The following C9 variants were observed in gnomAD, a reference collection of about 807,000 sequenced individuals.
C9 encodes the protein complement component C9.
A neutral mutation model predicts 65.4 loss-of-function variants in C9; 63 were observed. That is an observed-to-expected ratio of 0.96 (90% CI 0.79 to 1.19). C9 has a LOEUF of 1.19. Among genes scored for constraint, C9 ranks in the 50% most tolerant of loss-of-function variants. The pLI, the probability that C9 is intolerant of heterozygous loss-of-function variation, is 0.00. For missense variants in C9, 744 were observed against 670.1 expected (o/e 1.11, Z -1.22); for synonymous variants, 229 against 227.9 (o/e 1.00, Z -0.04).
intron 5 of C9, among the ~76,000 whole-genome samples, chr5:39,328,379 T>A (rs1322668129): frequency 6.6e-6 from 1 of 152,174 alleles, no homozygotes; most frequent in African/African-American, 2.4e-5. Flanking sequence ...AGAACGAGAA[T>A]GAGGAAAGCC....
chr5:39,320,335 A>C (rs1753644712), intron 5 of C9, among the ~76,000 whole-genome samples: 1 of 152,210 alleles, frequency 6.6e-6, no homozygotes, highest in Non-Finnish European at 1.5e-5. Context: ...AAAAACACAA[A>C]CAACCAAATT....
chr5:39,310,298 C>G (rs11749087), intron 7 of C9, among the ~76,000 whole-genome samples: 1 of 152,110 alleles, frequency 6.6e-6, no homozygotes, highest in Non-Finnish European at 1.5e-5. Flanking sequence ...GCTTTCCTCC[C>G]TAAGAGACAC....
At chr5:39,341,799 T>G in intron 2 of C9, 99 bp from the exon 3 acceptor site, 3 of 1,113,816 alleles carry the variant, frequency 2.7e-6, no homozygotes, top group Non-Finnish European at 4.0e-6. Flanking sequence ...AATGAGTCAA[T>G]GGTTTTAAGA....
chr5:39,291,763 G>A (rs1435123578), intron 9 of C9, among the ~76,000 whole-genome samples: 7 of 151,824 alleles, frequency 4.6e-5, no homozygotes, highest in African/African-American at 1.7e-4. Context: ...AAATGGAAAT[G>A]TAAAAAATAA....
chr5:39,318,426 G>C (rs530146453), intron 5 of C9, among the ~76,000 whole-genome samples: 1 of 152,256 alleles, frequency 6.6e-6, no homozygotes, highest in South Asian at 2.1e-4. Context: ...GAGCATCCTT[G>C]TCTTGTGCTG....
intron 5 of C9, among the ~76,000 whole-genome samples, chr5:39,319,264 TC>T (rs1398581005): frequency 2.0e-5 from 3 of 152,234 alleles, no homozygotes; most frequent in Admixed American, 2.0e-4. Flanking sequence ...GAAAACCACT[TC>T]TTTTATAATT....
intron 5 of C9, among the ~76,000 whole-genome samples, chr5:39,317,130 C>T (rs979974337): frequency 6.6e-6 from 1 of 152,124 alleles, no homozygotes; most frequent in Non-Finnish European, 1.5e-5. Context: ...TGTTTGTTGG[C>T]CACATGAATG....
intron 5 of C9, among the ~76,000 whole-genome samples, chr5:39,330,670 T>G (rs28626734): frequency 0.03 from 4,560 of 152,274 alleles, 212 homozygotes; most frequent in African/African-American, 0.1. Context: ...CTGGCATTAT[T>G]GGGGAAAACC....
intron 1 of C9, among the ~76,000 whole-genome samples, chr5:39,343,704 C>G (rs577506720): frequency 3.9e-5 from 6 of 152,318 alleles, no homozygotes; most frequent in African/African-American, 1.4e-4. Flanking sequence ...AGTTTGAGAT[C>G]TGAGAATGGA....
chr5:39,303,810 C>T (rs1239152708), intron 9 of C9, among the ~76,000 whole-genome samples: 1 of 151,996 alleles, frequency 6.6e-6, no homozygotes, highest in Non-Finnish European at 1.5e-5. Flanking sequence ...CAAAGATAGT[C>T]ATGCTAGACA....
intron 9 of C9, among the ~76,000 whole-genome samples, chr5:39,296,189 C>T (rs968025011): frequency 6.6e-6 from 1 of 151,406 alleles, no homozygotes; most frequent in Admixed American, 6.6e-5. Flanking sequence ...GGTTTATATC[C>T]AATTGAAAAG....
At chr5:39,342,061 G>T in intron 2 of C9, 30 bp downstream of exon 2, 3 of 1,192,010 alleles carry the variant, frequency 2.5e-6, no homozygotes, top group Non-Finnish European at 2.5e-6. Context: ...CATTTGGGGA[G>T]GTCAGTGGGG....
At chr5:39,308,134 A>G in intron 8 of C9, 96 bp downstream of exon 8, 1 of 1,127,976 alleles carries the variant, frequency 8.9e-7, no homozygotes, top group South Asian at 1.2e-5. Context: ...AAGCACAAAG[A>G]GGACAGACAA....
At chr5:39,315,420 A>T (rs547813025) in intron 6 of C9, among the ~76,000 whole-genome samples, 1 of 152,208 alleles carries the variant, frequency 6.6e-6, no homozygotes. Flanking sequence ...AACAGTGATC[A>T]TTCTAGGTAA....
At chr5:39,321,540 A>G (rs1261511275) in intron 5 of C9, among the ~76,000 whole-genome samples, 2 of 151,938 alleles carry the variant, frequency 1.3e-5, no homozygotes, top group Non-Finnish European at 2.9e-5. Context: ...CAACCAGAAA[A>G]CAATGAAAAA....
chr5:39,329,867 G>C (rs1268073911), intron 5 of C9, among the ~76,000 whole-genome samples: 3 of 152,148 alleles, frequency 2.0e-5, no homozygotes, highest in African/African-American at 7.2e-5. Flanking sequence ...TCTCTAAGGA[G>C]TTAAAGTAGA....
At chr5:39,346,732 A>C (rs1221613315) in intron 1 of C9, among the ~76,000 whole-genome samples, 9 of 152,268 alleles carry the variant, frequency 5.9e-5, no homozygotes, top group South Asian at 4.1e-4. Context: ...AGAGAATTTT[A>C]GACCAATATC....
In C9 at chr5:39,288,801, C is replaced by G; in HGVS notation, c.1567G>C (p.Asp523His). 1 of 1,612,452 alleles carries G rather than the reference C, an allele frequency of 6.2e-7. No homozygotes were observed. Among genetic ancestry groups the G allele is most frequent in the Non-Finnish European group, 8.5e-7 (1 of 1,178,882 alleles). The change falls in exon 10 of 11, where the codon GAT becomes CAT. Residue 523 changes from aspartate (D) to histidine (H), a missense_variant. Asp to His is a moderately conservative substitution (Grantham distance 81). Transcript: ENST00000263408. ...CQNGGTVILM[D>H]GKCLCACPFK... ...GGGCAGGCACACAAACACTTTCCAT[C>G]CATTAGAATCACTGTACCTCCATTT...
chr5:39,350,407 A>G (rs1179887444), intron 1 of C9, among the ~76,000 whole-genome samples: 1 of 152,186 alleles, frequency 6.6e-6, no homozygotes, highest in Non-Finnish European at 1.5e-5. Context: ...TTGAAAACAC[A>G]GTGATGCCTT....
Sources: allele counts gnomAD v4.1 joint callset (sites outside exome capture counted in the v4.1 genomes callset), GRCh38; gene constraint gnomAD v4.1.1; transcripts MANE v1.5; gene names NCBI Gene and HGNC (gene_info 2026-07-23, HGNC 2026-07-21).